EIF4EBP2: variants seen among roughly 807,000 people sequenced by gnomAD.
EIF4EBP2 encodes the protein eukaryotic translation initiation factor 4E-binding protein 2.
A neutral mutation model predicts 10.3 loss-of-function variants in EIF4EBP2; 5 were observed. The ratio of observed to expected loss-of-function variants is 0.48; its 90% CI spans 0.25 to 1.02. The LOEUF (loss-of-function observed/expected upper bound fraction) is 1.02, where lower values mean the gene tolerates loss of function less well. Among genes scored for constraint, EIF4EBP2 ranks in the 50% least tolerant of loss-of-function variants. EIF4EBP2 has a pLI of 0.15. For missense variants in EIF4EBP2, 188 were observed against 162.2 expected, an observed-to-expected ratio of 1.16 and a Z score of -0.86; for synonymous variants, 67 against 61.1, an observed-to-expected ratio of 1.10 and a Z score of -0.45.
chr10:70,419,414 T>G (rs188748009), intron 1 of EIF4EBP2, among the ~76,000 whole-genome samples: 1 of 152,384 alleles, frequency 6.6e-6, no homozygotes, highest in East Asian at 1.9e-4. Context: ...TCTCAGTCCT[T>G]CTTTGGAAAG....
At chr10:70,410,881 A>G (rs576000897) in intron 1 of EIF4EBP2, among the ~76,000 whole-genome samples, 7 of 152,310 alleles carry the variant, frequency 4.6e-5, no homozygotes, top group African/African-American at 1.7e-4. Flanking sequence ...TTGAAGTTAC[A>G]TGCCAAATGC....
rs1241627555 is a variant in EIF4EBP2 at position 70,404,271 on chromosome 10, G to A, written c.-131G>A. On this transcript the variant is annotated 5_prime_UTR_variant, in exon 1 of 3. Transcript: ENST00000373218. Reference sequence around the variant, plus strand: ...GGCGGCGGCGGGAGCGGAGCGGGACGAGGGAACGGGAGGAAGCGAGCGAGG... The same window carrying A: ...GGCGGCGGCGGGAGCGGAGCGGGACAAGGGAACGGGAGGAAGCGAGCGAGG... 6 of 1,202,208 alleles carry A rather than the reference G, an allele frequency of 5.0e-6. No individual in the cohort carries two copies. Among genetic ancestry groups the A allele is most frequent in the African/African-American group, 1.6e-5 (1 of 61,720 alleles). The allele number at this position is 1,202,208 out of a possible 1,614,324, so 74.5% of individuals were successfully genotyped here.
chr10:70,418,608 G>C (rs954760642), intron 1 of EIF4EBP2, among the ~76,000 whole-genome samples: 1 of 152,108 alleles, frequency 6.6e-6, no homozygotes, highest in Non-Finnish European at 1.5e-5. Flanking sequence ...TCTGTTGAAG[G>C]CCATAAAGGG....
chr10:70,418,178 G>A (rs1845117196), intron 1 of EIF4EBP2, among the ~76,000 whole-genome samples: 1 of 152,162 alleles, frequency 6.6e-6, no homozygotes, highest in African/African-American at 2.4e-5. Context: ...ACACCACAGA[G>A]TTGAGGCCCC....
intron 1 of EIF4EBP2, among the ~76,000 whole-genome samples, chr10:70,407,025 G>A (rs1335540118): frequency 6.6e-6 from 1 of 152,044 alleles, no homozygotes; most frequent in African/African-American, 2.4e-5. Context: ...AGCCTCCCGA[G>A]TAGCTGGGGC....
chr10:70,420,988 G>A (rs1319938650), intron 2 of EIF4EBP2, among the ~76,000 whole-genome samples: 1 of 151,916 alleles, frequency 6.6e-6, no homozygotes, highest in Non-Finnish European at 1.5e-5. Context: ...GTAGAGACGG[G>A]GTTTCACCAT....
intron 1 of EIF4EBP2, 71 bp downstream of exon 1, chr10:70,404,617 G>A (rs1844949354): frequency 1.4e-6 from 2 of 1,421,590 alleles, no homozygotes; most frequent in African/African-American, 1.5e-5. Flanking sequence ...GCGCCTCGGT[G>A]CCCGGCCGCT....
chr10:70,410,164 G>A (rs1315546744), intron 1 of EIF4EBP2, among the ~76,000 whole-genome samples: 1 of 152,154 alleles, frequency 6.6e-6, no homozygotes, highest in Non-Finnish European at 1.5e-5. Flanking sequence ...CCGCCTCCTG[G>A]GTTCAAGTGA....
intron 1 of EIF4EBP2, among the ~76,000 whole-genome samples, chr10:70,407,624 G>A (rs1844985418): frequency 1.3e-5 from 2 of 151,902 alleles, no homozygotes; most frequent in African/African-American, 2.4e-5. Context: ...TCAATGAGCT[G>A]TTGAGTACAC....
chr10:70,408,505 T>C (rs1044654532), intron 1 of EIF4EBP2, among the ~76,000 whole-genome samples: 14 of 152,364 alleles, frequency 9.2e-5, no homozygotes, highest in African/African-American at 3.4e-4. Context: ...ATTACAGCAA[T>C]GAATACTGTT....
chr10:70,416,668 T>A (rs1845099248), intron 1 of EIF4EBP2, among the ~76,000 whole-genome samples: 2 of 139,732 alleles, frequency 1.4e-5, no homozygotes, highest in African/African-American at 5.6e-5. Flanking sequence ...TTTTTTAATT[T>A]TTTTTTTTTT....
intron 1 of EIF4EBP2, 97 bp from the exon 2 acceptor site, chr10:70,419,817 G>T: frequency 1.1e-6 from 1 of 928,338 alleles, no homozygotes. Context: ...ATCCTTAAAA[G>T]TTAGGATTAC....
chr10:70,418,086 G>A (rs565119129), intron 1 of EIF4EBP2, among the ~76,000 whole-genome samples: 1 of 152,272 alleles, frequency 6.6e-6, no homozygotes, highest in Admixed American at 6.5e-5. Flanking sequence ...TTAGGAGGTG[G>A]TGCCTTTGGG....
In EIF4EBP2 at chr10:70,421,698, T is replaced by C; in HGVS notation, c.332-18T>C. ...TTTGTGTACGTGCTAAACTCTTCAT[T>C]TTATTGGTCCTAACTAGGGGATGAT... is the stretch of plus-strand genomic sequence containing the variant. On this transcript the variant is annotated intron_variant, in intron 2 of 2. Transcript: ENST00000373218. 1 of 1,611,788 alleles carries C rather than the reference T, an allele frequency of 6.2e-7. No homozygotes were observed. The highest frequency in any genetic ancestry group is 8.5e-7 in the Non-Finnish European group (1 of 1,177,968).
chr10:70,419,211 A>G (rs1222755843), intron 1 of EIF4EBP2, among the ~76,000 whole-genome samples: 31 of 152,202 alleles, frequency 2.0e-4, no homozygotes, highest in Admixed American at 2.0e-3. Flanking sequence ...AGTGATGTCG[A>G]GCACCTTTTA....
chr10:70,406,016 CTG>C (rs964734272), intron 1 of EIF4EBP2, among the ~76,000 whole-genome samples: 2 of 152,214 alleles, frequency 1.3e-5, no homozygotes, highest in South Asian at 2.1e-4. Flanking sequence ...GGGTCTCACT[CTG>C]TCGCCCAGGC....
intron 1 of EIF4EBP2, among the ~76,000 whole-genome samples, chr10:70,418,456 CTT>C (rs1249436368): frequency 3.3e-5 from 5 of 152,184 alleles, no homozygotes; most frequent in Non-Finnish European, 7.3e-5. Flanking sequence ...ACCAGCACAA[CTT>C]TGACCATCCG....
chr10:70,417,657 A>G (rs896778649), intron 1 of EIF4EBP2, among the ~76,000 whole-genome samples: 1 of 152,160 alleles, frequency 6.6e-6, no homozygotes, highest in Non-Finnish European at 1.5e-5. Context: ...TGTTGCTGAT[A>G]CATAATTTAG....
intron 1 of EIF4EBP2, among the ~76,000 whole-genome samples, chr10:70,417,645 G>A (rs982025864): frequency 2.6e-5 from 4 of 152,096 alleles, no homozygotes; most frequent in Admixed American, 6.6e-5. Flanking sequence ...TAATGTATGC[G>A]TTGTTGCTGA....
Sources: allele counts gnomAD v4.1 joint callset (sites outside exome capture counted in the v4.1 genomes callset), GRCh38; gene constraint gnomAD v4.1.1; transcripts MANE v1.5; gene names NCBI Gene and HGNC (gene_info 2026-07-23, HGNC 2026-07-21).